The following FSD1L variants were observed in gnomAD, a reference collection of about 807,000 sequenced individuals.
FSD1L encodes the protein fibronectin type III and SPRY domain containing 1 like, also known as FSD1-like protein.
In FSD1L, 45 loss-of-function variants were observed where a neutral mutation model predicts 71.6. That is an observed-to-expected ratio of 0.63 (90% CI 0.49 to 0.81). FSD1L has a LOEUF of 0.81. FSD1L is among the 30% of genes least tolerant of loss of function. The pLI is 0.00. For missense variants in FSD1L, 561 were observed against 618.1 expected (o/e 0.91, Z 0.98); for synonymous variants, 197 against 207.2 (o/e 0.95, Z 0.42).
chr9:105,474,621 T>G (rs963063421), intron 5 of FSD1L, among the ~76,000 whole-genome samples: 2 of 152,190 alleles, frequency 1.3e-5, no homozygotes, highest in African/African-American at 4.8e-5. Context: ...TTGTTAGATG[T>G]CTGGAAAAAG....
At chr9:105,507,886 CTTCT>C (rs1385735591) in intron 8 of FSD1L, among the ~76,000 whole-genome samples, 1 of 110,072 alleles carries the variant, frequency 9.1e-6, no homozygotes, top group African/African-American at 3.8e-5. Context: ...GCATATCACT[CTTCT>C]TTTTTTTTTT....
intron 9 of FSD1L, among the ~76,000 whole-genome samples, chr9:105,511,007 A>G (rs956337890): frequency 2.0e-5 from 3 of 148,744 alleles, no homozygotes; most frequent in Non-Finnish European, 3.0e-5. Flanking sequence ...TTTTTTAACT[A>G]TAGAGTATTA....
At chr9:105,527,855 G>T (rs1835620742) in intron 10 of FSD1L, among the ~76,000 whole-genome samples, 1 of 152,130 alleles carries the variant, frequency 6.6e-6, no homozygotes, top group African/African-American at 2.4e-5. Flanking sequence ...AAGTCAAATT[G>T]TCTCTGTTTG....
intron 10 of FSD1L, among the ~76,000 whole-genome samples, chr9:105,527,388 A>G (rs146771445): frequency 9.8e-4 from 149 of 152,334 alleles, no homozygotes; most frequent in Non-Finnish European, 2.0e-3. Context: ...AGTACTATTT[A>G]AAAAAGAAAA....
chr9:105,495,704 C>T (rs149661277), intron 7 of FSD1L, among the ~76,000 whole-genome samples: 209 of 152,282 alleles, frequency 1.4e-3, no homozygotes, highest in African/African-American at 4.5e-3. Context: ...GGGCCGGGCG[C>T]GGTGGCTCAC....
chr9:105,521,721 G>A (rs1025548075), intron 10 of FSD1L: 26 of 1,613,430 alleles, frequency 1.6e-5, no homozygotes, highest in Non-Finnish European at 2.1e-5. Flanking sequence ...GACCAATACT[G>A]CTGATCATGT....
At chr9:105,545,842 C>T (rs1356326940) in intron 13 of FSD1L, among the ~76,000 whole-genome samples, 1 of 152,036 alleles carries the variant, frequency 6.6e-6, no homozygotes, top group Admixed American at 6.6e-5. Flanking sequence ...TTGGGATTTG[C>T]ATTTTTGTCA....
intron 1 of FSD1L, among the ~76,000 whole-genome samples, chr9:105,450,611 G>A (rs1056469478): frequency 6.7e-6 from 1 of 148,400 alleles, no homozygotes; most frequent in Non-Finnish European, 1.5e-5. Context: ...TTGGCTTACT[G>A]CAACCTCCGC....
chr9:105,548,895 A>G lies in FSD1L; in HGVS notation c.*2412A>G, dbSNP rs982047662. 6.6e-6 allele frequency: 1 copy of G among 152,012 alleles called. No individual in the cohort carries two copies. The highest frequency in any genetic ancestry group is 2.1e-4 in the South Asian group (1 of 4,832). The allele number at this position is 152,012 out of a possible 1,614,324, so 9.4% of individuals were successfully genotyped here. On this transcript the variant is annotated 3_prime_UTR_variant, in exon 14 of 14. Coordinates refer to ENST00000481272, the MANE Select transcript of FSD1L (RefSeq NM_001145313.3). The stretch of plus-strand genomic sequence containing the variant: ...TTTTTGTTTAAGACGTTTTTAGTTT[A>G]TTTGTTGTTAAGTTAAACTGGAGAA...
At chr9:105,471,706 T>TA (rs537477527) in intron 4 of FSD1L, among the ~76,000 whole-genome samples, 198 bp from the exon 5 acceptor site, 1 of 134,828 alleles carries the variant, frequency 7.4e-6, no homozygotes, top group African/African-American at 2.9e-5. Flanking sequence ...TATATATATA[T>TA]AAAAAAAATA....
chr9:105,464,050 T>G (rs937495451), intron 2 of FSD1L, among the ~76,000 whole-genome samples, 186 bp from the exon 3 acceptor site: 3 of 152,238 alleles, frequency 2.0e-5, no homozygotes, highest in Admixed American at 2.0e-4. Flanking sequence ...CTTAATACAG[T>G]ACAAATATAT....
At position 105,546,853 on chromosome 9, in the gene FSD1L, G is replaced by A. The variant is rs1837034831; in HGVS notation, c.*370G>A. 6.5e-6 allele frequency: 1 copy of A among 154,016 alleles called. No individual in the cohort carries two copies. Among genetic ancestry groups the A allele is most frequent in the Non-Finnish European group, 1.4e-5 (1 of 69,414 alleles). The allele number at this position is 154,016 out of a possible 1,614,324, so 9.5% of individuals were successfully genotyped here. On this transcript the variant is annotated 3_prime_UTR_variant, in exon 14 of 14. Coordinates refer to ENST00000481272, the MANE Select transcript of FSD1L (RefSeq NM_001145313.3). Reference sequence around the variant, plus strand: ...TTTTAAATCTTGCCTTCTTTCTTCTGTACTTTGTCTTTTTAAAATCTCATT... The same window carrying A: ...TTTTAAATCTTGCCTTCTTTCTTCTATACTTTGTCTTTTTAAAATCTCATT...
At chr9:105,482,747 A>G (rs542147255) in intron 6 of FSD1L, among the ~76,000 whole-genome samples, 1 of 152,300 alleles carries the variant, frequency 6.6e-6, no homozygotes, top group Admixed American at 6.5e-5. Flanking sequence ...TAAAGCTTTG[A>G]TAAGCCTTTC....
chr9:105,517,295 C>T (rs1221693845), intron 10 of FSD1L, among the ~76,000 whole-genome samples: 1 of 152,116 alleles, frequency 6.6e-6, no homozygotes, highest in East Asian at 1.9e-4. Flanking sequence ...GCAAGACAGG[C>T]CAACATTCAA....
intron 1 of FSD1L, among the ~76,000 whole-genome samples, chr9:105,449,323 C>T (rs757421605): frequency 1.3e-5 from 2 of 152,192 alleles, no homozygotes; most frequent in Non-Finnish European, 2.9e-5. Context: ...TCTTGAAACT[C>T]ACCTTGGAAT....
At position 105,524,876 on chromosome 9, in the gene FSD1L, C is replaced by T; in HGVS notation, c.1026-9617C>T. ...TGTGTGAAAATCACGACAATCATTACAGTGAAAGTACTGAACTTTCTCCTG... is the reference window on the plus strand; with the variant it reads ...TGTGTGAAAATCACGACAATCATTATAGTGAAAGTACTGAACTTTCTCCTG... On this transcript the variant is annotated intron_variant, in intron 10 of 13. Transcript: ENST00000481272. The T allele has an allele frequency of 3.2e-6, 5 of 1,574,038 alleles. No individual in the cohort carries two copies. In the South Asian group the frequency reaches 5.6e-5, roughly 18 times the overall value.
intron 10 of FSD1L, chr9:105,520,933 G>A: frequency 6.2e-7 from 1 of 1,611,854 alleles, no homozygotes; most frequent in South Asian, 1.1e-5. Context: ...AGTTTAGAAT[G>A]GAAGAACAAA....
In FSD1L at chr9:105,548,816, TTTC is replaced by T. The variant is rs1473881166; in HGVS notation, c.*2339_*2341del. 6 of 152,038 alleles carry T rather than the reference TTTC, an allele frequency of 3.9e-5. No individual in the cohort carries two copies. Among genetic ancestry groups the T allele is most frequent in the Non-Finnish European group, 8.8e-5 (6 of 67,964 alleles). The allele number at this position is 152,038 out of a possible 1,614,324, so 9.4% of individuals were successfully genotyped here. ...TTACTTCAAAATAAGAGTCTGAGGA[TTTC>T]TTCTTACTGGCGTTCTTAAAGGTCT... On this transcript the variant is annotated 3_prime_UTR_variant, in exon 14 of 14. Transcript: ENST00000481272.
rs2131547305 is a variant in FSD1L, at chr9:105,546,765, G to C, written c.*282G>C. On this transcript the variant is annotated 3_prime_UTR_variant, in exon 14 of 14. Transcript: ENST00000481272. ...TAAAAACTCATTTTTGTATTTCTTG[G>C]ATTACTTTGACTATTCTAATGTTTA... 4.9e-6 allele frequency: 1 copy of C among 202,624 alleles called. No homozygotes were observed. Among genetic ancestry groups the C allele is most frequent in the Non-Finnish European group, 9.9e-6 (1 of 101,518 alleles). 12.6% of individuals were successfully genotyped at this position (202,624 alleles called of 1,614,324 possible). A position where few individuals can be genotyped will look rare whatever the true frequency, so the allele number is the denominator to read the frequency against.
Sources: gnomAD v4.1 joint callset for allele counts (sites outside exome capture counted in the v4.1 genomes callset) on GRCh38, gnomAD v4.1.1 for gene constraint, MANE v1.5 for transcripts, NCBI Gene and HGNC (gene_info 2026-07-23, HGNC 2026-07-21) for gene names.